WNT2B: variants seen among roughly 807,000 people sequenced by gnomAD.
WNT2B encodes protein Wnt-2b.
In WNT2B, 19 loss-of-function variants were observed where a neutral mutation model predicts 40.5. The ratio of observed to expected loss-of-function variants is 0.47; its 90% CI spans 0.33 to 0.69. WNT2B has a LOEUF of 0.69. Ranked by LOEUF, WNT2B falls within the 30% of genes least tolerant of loss-of-function variation. The pLI, the probability that WNT2B is intolerant of heterozygous loss-of-function variation, is 0.02. For missense variants in WNT2B, 467 were observed against 556.4 expected (o/e 0.84, Z 1.62); for synonymous variants, 220 against 211.9 (o/e 1.04, Z -0.33).
chr1:112,509,494 C>T lies in WNT2B; in HGVS notation c.182+50C>T. 2.0e-6 allele frequency: 3 copies of T among 1,519,398 alleles called. No individual in the cohort carries two copies. Among genetic ancestry groups the T allele is most frequent in the Non-Finnish European group, 2.6e-6 (3 of 1,151,436 alleles). 94.1% of individuals were successfully genotyped at this position (1,519,398 alleles called of 1,614,324 possible). ...GGGTGAGGCGCTTGGTAGGAGAGGC[C>T]GGAGGCGCCTGGAGGGACTGGCTGC... On this transcript the variant is annotated intron_variant, in intron 1 of 4. Coordinates refer to ENST00000369684, the MANE Select transcript of WNT2B (RefSeq NM_024494.3). This position sits in a 1 kb window ranked among gnomAD's most constrained non-coding sequence, Gnocchi z 4.2.
At chr1:112,479,003 C>T (rs1161320637) in intron 1 of WNT2B, among the ~76,000 whole-genome samples, 1 of 151,938 alleles carries the variant, frequency 6.6e-6, no homozygotes, top group Non-Finnish European at 1.5e-5. Flanking sequence ...GGCGGATCCC[C>T]TCAGGTCAGG....
At chr1:112,517,407 G>A in intron 4 of WNT2B, 22 bp downstream of exon 4, 1 of 1,586,584 alleles carries the variant, frequency 6.3e-7, no homozygotes, top group Non-Finnish European at 8.6e-7. Flanking sequence ...AGGCAGGCAG[G>A]GACATGCAGT....
At chr1:112,468,785 C>G (rs1650784998) in intron 1 of WNT2B, among the ~76,000 whole-genome samples, 1 of 152,102 alleles carries the variant, frequency 6.6e-6, no homozygotes, top group Non-Finnish European at 1.5e-5. Flanking sequence ...GTTTCTTCTG[C>G]TACATAGAAG....
chr1:112,516,473 T>G (rs1483538306), intron 3 of WNT2B, 56 bp downstream of exon 3: 7 of 1,562,430 alleles, frequency 4.5e-6, no homozygotes, highest in Non-Finnish European at 6.1e-6. Context: ...GACCAGTGTG[T>G]GTGACCATGG....
chr1:112,502,464 C>T (rs1651991261), intron 1 of WNT2B, among the ~76,000 whole-genome samples: 1 of 152,236 alleles, frequency 6.6e-6, no homozygotes, highest in African/African-American at 2.4e-5. Context: ...CTCTAATTGC[C>T]TCGAAAATAA....
At chr1:112,505,834 G>A (rs1352207379), upstream of WNT2B, among the ~76,000 whole-genome samples, 1 of 152,196 alleles carries the variant, frequency 6.6e-6, no homozygotes, top group East Asian at 1.9e-4. Context: ...AGAAGCAGAA[G>A]GAGCCAAGCC....
chr1:112,471,154 T>A (rs1411606311), intron 1 of WNT2B, among the ~76,000 whole-genome samples: 2 of 152,194 alleles, frequency 1.3e-5, no homozygotes, highest in East Asian at 3.9e-4. Context: ...GTGGCTGTGC[T>A]TTCACAATGG....
At chr1:112,494,136 C>T (rs1651695603) in intron 1 of WNT2B, among the ~76,000 whole-genome samples, 1 of 150,946 alleles carries the variant, frequency 6.6e-6, no homozygotes, top group Admixed American at 6.6e-5. Context: ...ATGGTGAAAC[C>T]CCATCTCTAC....
rs1218741175 is a variant in WNT2B, at chr1:112,528,625, T to C, written c.*8116T>C. On this transcript the variant is annotated 3_prime_UTR_variant, in exon 5 of 5. Coordinates refer to ENST00000369684, the MANE Select transcript of WNT2B (RefSeq NM_024494.3). ...TATCCAGTACTGTGATACATTAATG[T>C]AGGCTTACAGGCCCAGAACCTGGCA... The C allele has an allele frequency of 1.3e-5, 2 of 152,224 alleles. No homozygotes were observed. 9.4% of individuals were successfully genotyped at this position (152,224 alleles called of 1,614,324 possible).
intron 1 of WNT2B, among the ~76,000 whole-genome samples, chr1:112,484,427 A>G (rs1257081382): frequency 6.6e-6 from 1 of 150,460 alleles, no homozygotes; most frequent in African/African-American, 2.4e-5. Context: ...CAGCCTCCTG[A>G]GTGGCTAATT....
intron 4 of WNT2B, chr1:112,517,976 AC>A (rs2101093661): frequency 6.5e-6 from 1 of 152,874 alleles, no homozygotes; most frequent in South Asian, 2.1e-4. Context: ...CAGAGAACAG[AC>A]CAATCTGCTG....
intron 1 of WNT2B, among the ~76,000 whole-genome samples, chr1:112,492,054 TAA>T (rs1183213903): frequency 1.3e-4 from 20 of 152,010 alleles, no homozygotes; most frequent in Non-Finnish European, 2.6e-4. Flanking sequence ...TAAATAAAAT[TAA>T]GAGAGAAAGA....
chr1:112,502,953 C>G (rs1364601218), intron 1 of WNT2B, among the ~76,000 whole-genome samples: 1 of 152,078 alleles, frequency 6.6e-6, no homozygotes, highest in Admixed American at 6.5e-5. Flanking sequence ...CTTTGAGTGT[C>G]CTGCCTTCTC....
rs1653807772 is a variant in WNT2B at position 112,528,452 on chromosome 1, A to G, written c.*7943A>G. 1 of 152,110 alleles carries G rather than the reference A, an allele frequency of 6.6e-6. No homozygotes were observed. Among genetic ancestry groups the G allele is most frequent in the Non-Finnish European group, 1.5e-5 (1 of 68,012 alleles). The allele number at this position is 152,110 out of a possible 1,614,324, so 9.4% of individuals were successfully genotyped here. ...TATGTCAGTAAACATCAGGGCACCTATGGAAAAGCACAAGGATGAGTCCAT... is the reference window on the plus strand; with the variant it reads ...TATGTCAGTAAACATCAGGGCACCTGTGGAAAAGCACAAGGATGAGTCCAT... On this transcript the variant is annotated 3_prime_UTR_variant, in exon 5 of 5. Transcript: ENST00000369684.
chr1:112,487,352 A>G (rs1651448692), intron 1 of WNT2B, among the ~76,000 whole-genome samples: 1 of 152,240 alleles, frequency 6.6e-6, no homozygotes, highest in Admixed American at 6.5e-5. Flanking sequence ...AGAAATATAT[A>G]CAGATGCTTC....
chr1:112,478,170 G>C (rs556931626), intron 1 of WNT2B, among the ~76,000 whole-genome samples: 2 of 152,152 alleles, frequency 1.3e-5, no homozygotes, highest in South Asian at 4.2e-4. Flanking sequence ...GGAGGTCAAG[G>C]CTGCAATGAG....
At chr1:112,470,643 C>T (rs866987654) in intron 1 of WNT2B, among the ~76,000 whole-genome samples, 18 of 152,238 alleles carry the variant, frequency 1.2e-4, no homozygotes, top group African/African-American at 3.1e-4. Flanking sequence ...GGGGGAAAGG[C>T]GTCCGCTCTC....
Position 112,526,926 on chromosome 1 carries a change from A to C in WNT2B, c.*6417A>C, listed in dbSNP as rs1364059847. On this transcript the variant is annotated 3_prime_UTR_variant, in exon 5 of 5. Transcript: ENST00000369684. ...GGTCCTGGGATCTCAAGCTGATGCA[A>C]GCAATTTGTGTACACCAAGGCAAGG... is the stretch of plus-strand genomic sequence containing the variant. 6.6e-6 allele frequency: 1 copy of C among 152,204 alleles called. No homozygotes were observed. Among genetic ancestry groups the C allele is most frequent in the African/African-American group, 2.4e-5 (1 of 41,440 alleles). 9.4% of individuals were successfully genotyped at this position (152,204 alleles called of 1,614,324 possible).
chr1:112,494,978 A>T (rs1477041561), intron 1 of WNT2B, among the ~76,000 whole-genome samples: 1 of 151,634 alleles, frequency 6.6e-6, no homozygotes, highest in Non-Finnish European at 1.5e-5. Context: ...GAAATAAATG[A>T]CAGAAATAAT....
Sources: gnomAD v4.1 joint callset for allele counts (sites outside exome capture counted in the v4.1 genomes callset) on GRCh38, gnomAD v4.1.1 for gene constraint, Gnocchi (gnomAD v3.1) non-coding constraint, MANE v1.5 for transcripts, NCBI Gene and HGNC (gene_info 2026-07-23, HGNC 2026-07-21) for gene names.